Variants in CACNA1C observed in about 807,000 individuals in gnomAD.
CACNA1C encodes calcium voltage-gated channel subunit alpha1 C.
Under a neutral mutation model 229.0 loss-of-function variants are expected in CACNA1C, and 30 were observed. The observed-to-expected ratio is 0.13, with a 90% CI of 0.10 to 0.18. CACNA1C has a LOEUF of 0.18. CACNA1C is among the 10% of genes least tolerant of loss of function. CACNA1C has a pLI of 1.00. For synonymous variants in CACNA1C, 1,114 were observed against 1,132.5 expected, an observed-to-expected ratio of 0.98 and a Z score of 0.33; for missense variants, 1,658 against 2,845.0, an observed-to-expected ratio of 0.58 and a Z score of 9.49.
chr12:2,378,061 A>G (rs2098126787), intron 3 of CACNA1C, among the ~76,000 whole-genome samples: 2 of 152,210 alleles, frequency 1.3e-5, no homozygotes, highest in South Asian at 4.1e-4. Flanking sequence ...GAGCCGAGTC[A>G]TGACTTCTCT....
chr12:2,144,259 G>A (rs1187523164), intron 3 of CACNA1C, among the ~76,000 whole-genome samples: 1 of 151,322 alleles, frequency 6.6e-6, no homozygotes, highest in Non-Finnish European at 1.5e-5. Context: ...GAAGAAGCCG[G>A]GCTTGAGTGC....
intron 5 of CACNA1C, among the ~76,000 whole-genome samples, chr12:2,478,174 A>T (rs2099640628): frequency 6.6e-6 from 1 of 152,144 alleles, no homozygotes; most frequent in African/African-American, 2.4e-5. Context: ...AACTGTTTTC[A>T]TATTTTCCTA....
chr12:2,098,959 A>G (rs2075338512), intron 1 of CACNA1C, among the ~76,000 whole-genome samples: 1 of 152,166 alleles, frequency 6.6e-6, no homozygotes, highest in African/African-American at 2.4e-5. Context: ...CACTGGTAGC[A>G]CTGCTCACCG....
chr12:2,160,384 C>CA (rs1235225892), intron 3 of CACNA1C, among the ~76,000 whole-genome samples: 1 of 152,218 alleles, frequency 6.6e-6, no homozygotes, highest in Non-Finnish European at 1.5e-5. Context: ...CTCTGATCCT[C>CA]AAAGAGGACC....
chr12:2,234,430 G>A (rs2066520665), intron 3 of CACNA1C, among the ~76,000 whole-genome samples: 1 of 152,200 alleles, frequency 6.6e-6, no homozygotes, highest in Admixed American at 6.5e-5. Flanking sequence ...GGCACCATGG[G>A]TCACCTGCAT....
At chr12:2,032,242 C>G (rs1360290849) in intron 1 of CACNA1C, among the ~76,000 whole-genome samples, 1 of 151,916 alleles carries the variant, frequency 6.6e-6, no homozygotes, top group African/African-American at 2.4e-5. Flanking sequence ...TTTTAGGTGT[C>G]ATATGAGTGC....
intron 3 of CACNA1C, among the ~76,000 whole-genome samples, chr12:2,184,186 G>C (rs762188604): frequency 1.3e-5 from 2 of 152,202 alleles, no homozygotes; most frequent in African/African-American, 4.8e-5. Flanking sequence ...GTTGAAAGCC[G>C]GCAGGAAGAG....
intron 3 of CACNA1C, among the ~76,000 whole-genome samples, chr12:2,397,335 A>G (rs996806396): frequency 5.3e-5 from 8 of 152,222 alleles, no homozygotes; most frequent in Admixed American, 2.0e-4. Flanking sequence ...GGGCTAGATC[A>G]TTAGAATCAC....
intron 3 of CACNA1C, among the ~76,000 whole-genome samples, chr12:2,400,817 TCTG>T (rs1254863842): frequency 6.6e-6 from 1 of 152,196 alleles, no homozygotes; most frequent in East Asian, 1.9e-4. Context: ...CTAATGCTGA[TCTG>T]CTGACTGGTG....
chr12:2,462,130 T>A lies in CACNA1C; in HGVS notation c.757+4424T>A, dbSNP rs552113334. The stretch of plus-strand genomic sequence containing the variant: ...CCCTCCACAGTGACTCCCTTGCTAT[T>A]CCTCCAACATTCCAAGCTCACCCCA... On this transcript the variant is annotated intron_variant, in intron 5 of 46. Coordinates refer to ENST00000399655, the MANE Select transcript of CACNA1C (RefSeq NM_000719.7). Among the ~76,000 whole-genome samples, 6 of 149,926 alleles carry A rather than the reference T, an allele frequency of 4.0e-5. No homozygotes were observed. The South Asian group carries it at 1.3e-3, about 32-fold the overall frequency.
chr12:2,015,490 A>T (rs2045205129), intron 1 of CACNA1C, among the ~76,000 whole-genome samples: 1 of 152,218 alleles, frequency 6.6e-6, no homozygotes, highest in African/African-American at 2.4e-5. Flanking sequence ...TTGCCAAGAT[A>T]GGTGGCTTCA....
intron 9 of CACNA1C, among the ~76,000 whole-genome samples, chr12:2,529,201 A>G (rs2099835122): frequency 6.6e-6 from 1 of 152,174 alleles, no homozygotes; most frequent in East Asian, 1.9e-4. Context: ...CCACCTTCAA[A>G]GCCCCATCAA....
At chr12:2,229,708 G>C (rs1197240861) in intron 3 of CACNA1C, among the ~76,000 whole-genome samples, 1 of 152,184 alleles carries the variant, frequency 6.6e-6, no homozygotes, top group Non-Finnish European at 1.5e-5. Context: ...ACATTCGAGA[G>C]GAACGCATTC....
intron 9 of CACNA1C, among the ~76,000 whole-genome samples, chr12:2,520,105 C>T (rs375017625): frequency 4.6e-5 from 7 of 151,194 alleles, no homozygotes; most frequent in Non-Finnish European, 8.9e-5. Context: ...GCCCAATGGC[C>T]GTGTGCTTCA....
chr12:2,137,689 AC>A (rs1278085378), intron 3 of CACNA1C, among the ~76,000 whole-genome samples: 1 of 150,588 alleles, frequency 6.6e-6, no homozygotes, highest in East Asian at 1.9e-4. Flanking sequence ...TAAAATACTT[AC>A]TGTTTTTTTT....
intron 27 of CACNA1C, 75 bp from the exon 28 acceptor site, chr12:2,610,466 A>G: frequency 6.7e-7 from 1 of 1,487,150 alleles, no homozygotes; most frequent in Admixed American, 1.7e-5. Flanking sequence ...ATCACATCCC[A>G]CACTTCTCTG....
chr12:1,987,229 G>T (rs2038060660), intron 1 of CACNA1C, among the ~76,000 whole-genome samples: 2 of 152,152 alleles, frequency 1.3e-5, no homozygotes, highest in African/African-American at 4.8e-5. Flanking sequence ...TTCTTGAATG[G>T]ATTTTCCTAC....
At chr12:2,014,677 C>T (rs1268728547) in intron 1 of CACNA1C, among the ~76,000 whole-genome samples, 1 of 152,202 alleles carries the variant, frequency 6.6e-6, no homozygotes, top group African/African-American at 2.4e-5. Flanking sequence ...CCAAGTGTAT[C>T]GACCTGAAGA....
rs893447782 is a variant in CACNA1C, at chr12:2,633,541, G to A, written c.3829-756G>A. The A allele has an allele frequency of 2.4e-6, 2 of 827,196 alleles. No individual in the cohort carries two copies. Among genetic ancestry groups the A allele is most frequent in the African/African-American group, 3.4e-5 (2 of 58,640 alleles). 51.2% of individuals were successfully genotyped at this position (827,196 alleles called of 1,614,324 possible). ...TCCAGAGGCAACACGGAGGTGCCTG[G>A]ACGATGATTCTGATGGTGGTGTTGC... On this transcript the variant is annotated intron_variant, in intron 29 of 46. Transcript: ENST00000399655. The surrounding 1 kb of genome is among the most constrained non-coding windows in gnomAD (Gnocchi z 5.8).
Sources: allele counts gnomAD v4.1 joint callset (sites outside exome capture counted in the v4.1 genomes callset), GRCh38; gene constraint gnomAD v4.1.1; non-coding constraint Gnocchi (gnomAD v3.1); transcripts MANE v1.5; gene names NCBI Gene and HGNC (gene_info 2026-07-23, HGNC 2026-07-21).